Variants in C13orf42 observed in about 807,000 individuals in gnomAD.
C13orf42 encodes the protein chromosome 13 open reading frame 42.
At chr13:51,125,978 A>C (rs144690031) in intron 1 of C13orf42, among the ~76,000 whole-genome samples, 3 of 152,354 alleles carry the variant, frequency 2.0e-5, no homozygotes, top group Middle Eastern at 3.4e-3. Context: ...CTCCGTGTGA[A>C]TAGCAAAGCA....
At chr13:51,152,025 T>G (rs886903722) in intron 1 of C13orf42, among the ~76,000 whole-genome samples, 15 of 152,204 alleles carry the variant, frequency 9.9e-5, no homozygotes, top group African/African-American at 3.6e-4. Context: ...ATCTTCATTC[T>G]AACAAGATCC....
At position 51,133,273 on chromosome 13, in the gene C13orf42, A is replaced by G. The variant is rs532096899; in HGVS notation, n.137-20051T>C. 2.0e-5 allele frequency among the ~76,000 whole-genome samples: 3 copies of G among 152,306 alleles called. No homozygotes were observed. In the South Asian group the frequency reaches 6.2e-4, roughly 32 times the overall value. On this transcript the variant is annotated intron_variant and non_coding_transcript_variant, in intron 1 of 4. Coordinates refer to the C13orf42 transcript ENST00000433280. ...TTCCAGTAACACCTAGAGTAGTCAG[A>G]TTCATAGAGAAGGGAAATAGAATGT...
At chr13:51,156,906 T>C (rs1243120977) in intron 1 of C13orf42, among the ~76,000 whole-genome samples, 1 of 152,212 alleles carries the variant, frequency 6.6e-6, no homozygotes, top group African/African-American at 2.4e-5. Context: ...CCCAGTGCCA[T>C]AGGTGGCTGA....
chr13:51,129,696 T>C (rs560287972), intron 1 of C13orf42, among the ~76,000 whole-genome samples: 1 of 152,282 alleles, frequency 6.6e-6, no homozygotes, highest in East Asian at 1.9e-4. Flanking sequence ...TTTTGGTTAA[T>C]AGAAAAAAGG....
chr13:51,151,050 A>T (rs1428820522), intron 1 of C13orf42, among the ~76,000 whole-genome samples: 1 of 152,242 alleles, frequency 6.6e-6, no homozygotes, highest in East Asian at 1.9e-4. Flanking sequence ...TTCACTCTAT[A>T]GACACTAGTC....
rs1317556143 is a variant in C13orf42 at position 51,088,093 on chromosome 13, G to T, written c.415-18C>A. 17 of 398,654 alleles carry T rather than the reference G, an allele frequency of 4.3e-5. No individual in the cohort carries two copies. Among genetic ancestry groups the T allele is most frequent in the Non-Finnish European group, 6.6e-5 (15 of 226,186 alleles). 24.7% of individuals were successfully genotyped at this position (398,654 alleles called of 1,614,324 possible). ...GTTGCTTTCTGCAAGAGGTGAAGGGGAGAAGAGAGAGTTGCCTGAGCCAGT... is the reference window on the plus strand; with the variant it reads ...GTTGCTTTCTGCAAGAGGTGAAGGGTAGAAGAGAGAGTTGCCTGAGCCAGT... On this transcript the variant is annotated intron_variant, in intron 1 of 3. Transcript: ENST00000563710.
chr13:51,130,287 T>C (rs933990150), intron 1 of C13orf42, among the ~76,000 whole-genome samples: 6 of 152,296 alleles, frequency 3.9e-5, no homozygotes, highest in South Asian at 2.1e-4. Context: ...CTTTTGAAAA[T>C]TGTTCAATTT....
chr13:51,151,603 A>G (rs1321185485), intron 1 of C13orf42, among the ~76,000 whole-genome samples: 1 of 152,216 alleles, frequency 6.6e-6, no homozygotes, highest in Non-Finnish European at 1.5e-5. Flanking sequence ...CCAGGCACTG[A>G]CCCTGCCAAT....
rs1037564606 is a variant in C13orf42, at chr13:51,084,336, G to A, written c.804-11C>T. 1.0e-5 allele frequency: 4 copies of A among 398,640 alleles called. No individual in the cohort carries two copies. The highest frequency in any genetic ancestry group is 8.2e-5 in the African/African-American group (4 of 48,652). 24.7% of individuals were successfully genotyped at this position (398,640 alleles called of 1,614,324 possible). On this transcript the variant is annotated splice_polypyrimidine_tract_variant and intron_variant, in intron 3 of 3. Coordinates refer to ENST00000563710, the MANE Select transcript of C13orf42 (RefSeq NM_001351589.3). ...CTGGAGCTCCCCAGGCTAGAAGGAA[G>A]GAATGAGGCAGGAGGTTTAAGTTCG... is the stretch of plus-strand genomic sequence containing the variant.
At chr13:51,096,327 A>C (rs138197174) in intron 1 of C13orf42, among the ~76,000 whole-genome samples, 3 of 152,112 alleles carry the variant, frequency 2.0e-5, no homozygotes, top group Non-Finnish European at 4.4e-5. Flanking sequence ...CTGTTTTCTG[A>C]TAAAGCCCCA....
chr13:51,151,406 A>G (rs1426738317), intron 1 of C13orf42, among the ~76,000 whole-genome samples: 1 of 152,128 alleles, frequency 6.6e-6, no homozygotes, highest in Non-Finnish European at 1.5e-5. Context: ...ACAAACAAAC[A>G]AACAAAAACT....
intron 1 of C13orf42, among the ~76,000 whole-genome samples, chr13:51,147,755 T>A (rs1953749606): frequency 1.2e-5 from 1 of 81,406 alleles, no homozygotes; most frequent in South Asian, 3.6e-4. Flanking sequence ...GGGGTGGATT[T>A]GGTCCAGGTC....
At chr13:51,105,380 C>T (rs1953341770) in intron 1 of C13orf42, among the ~76,000 whole-genome samples, 1 of 152,170 alleles carries the variant, frequency 6.6e-6, no homozygotes, top group Non-Finnish European at 1.5e-5. Flanking sequence ...TAGAACAGCT[C>T]CTGACACATA....
At chr13:51,141,458 T>C (rs771614894) in intron 1 of C13orf42, among the ~76,000 whole-genome samples, 47 of 152,110 alleles carry the variant, frequency 3.1e-4, no homozygotes, top group Non-Finnish European at 5.4e-4. Flanking sequence ...GGGTACAGAA[T>C]GTTTCATTAC....
intron 1 of C13orf42, among the ~76,000 whole-genome samples, chr13:51,168,060 A>T (rs1268854096): frequency 1.3e-5 from 2 of 151,958 alleles, no homozygotes; most frequent in African/African-American, 4.8e-5. Context: ...TTCCTGATAG[A>T]CTCTCCAGAG....
chr13:51,167,893 T>C (rs187273097), intron 1 of C13orf42, among the ~76,000 whole-genome samples: 1 of 152,340 alleles, frequency 6.6e-6, no homozygotes, highest in East Asian at 1.9e-4. Flanking sequence ...GGCTTTTACC[T>C]TTAATCTCTG....
intron 1 of C13orf42, among the ~76,000 whole-genome samples, chr13:51,138,474 G>A (rs1023251266): frequency 5.9e-5 from 9 of 151,904 alleles, no homozygotes; most frequent in African/African-American, 1.9e-4. Flanking sequence ...CTGAAAAGAT[G>A]TCACTCATCA....
chr13:51,124,079 A>C (rs1245161944), intron 1 of C13orf42, among the ~76,000 whole-genome samples: 1 of 152,158 alleles, frequency 6.6e-6, no homozygotes, highest in East Asian at 1.9e-4. Context: ...CCACCTTTTG[A>C]GATGTCTTTT....
chr13:51,117,260 A>G (rs1953499150), intron 1 of C13orf42, among the ~76,000 whole-genome samples: 1 of 152,240 alleles, frequency 6.6e-6, no homozygotes, highest in Non-Finnish European at 1.5e-5. Flanking sequence ...ATTTTTCTAA[A>G]TGTATTCAGC....
Sources: gnomAD v4.1 joint callset for allele counts (sites outside exome capture counted in the v4.1 genomes callset) on GRCh38, gnomAD v4.1.1 for gene constraint, MANE v1.5 for transcripts, NCBI Gene and HGNC (gene_info 2026-07-23, HGNC 2026-07-21) for gene names.